Variants in COLEC11 observed in about 807,000 individuals in gnomAD.
The protein encoded by COLEC11 is collectin-11.
Under a neutral mutation model 27.3 loss-of-function variants are expected in COLEC11, and 20 were observed. That is an observed-to-expected ratio of 0.73 (90% confidence interval 0.51 to 1.06). The LOEUF is 1.06. Among genes scored for constraint, COLEC11 ranks in the 50% least tolerant of loss-of-function variants. COLEC11 has a pLI of 0.00. For missense variants in COLEC11, 310 were observed against 383.0 expected, an observed-to-expected ratio of 0.81 and a Z score of 1.59; for synonymous variants, 163 against 154.7, an observed-to-expected ratio of 1.05 and a Z score of -0.40.
At position 3,605,297 on chromosome 2, in the gene COLEC11, C is replaced by T. The variant is rs1275575262; in HGVS notation, c.130+827C>T. 4.3e-5 allele frequency among the ~76,000 whole-genome samples: 6 copies of T among 139,712 alleles called. No individual in the cohort carries two copies. The East Asian group carries it at 1.4e-3, about 32-fold the overall frequency. The allele number at this position is 139,712 out of a possible 152,430, so 91.7% of individuals were successfully genotyped here. ...GCCGCTGAGGGGAGTCACGTGGGTG[C>T]CGAGGAGGGGGCGGGGGAGTCACGT... On this transcript the variant is annotated intron_variant, in intron 2 of 6. Coordinates refer to ENST00000349077, the MANE Select transcript of COLEC11 (RefSeq NM_024027.5).
chr2:3,603,731 C>T, intron 1 of COLEC11: 2 of 1,480,940 alleles, frequency 1.4e-6, no homozygotes, highest in Non-Finnish European at 1.8e-6. Flanking sequence ...GGGCTCGGCC[C>T]CCACCTCCCC....
chr2:3,611,146 C>T (rs1346599208), intron 2 of COLEC11, among the ~76,000 whole-genome samples: 2 of 152,184 alleles, frequency 1.3e-5, no homozygotes, highest in Admixed American at 6.5e-5. Flanking sequence ...GCTGTCAGAG[C>T]GACATTGGCA....
chr2:3,603,989 C>T, intron 1 of COLEC11: 1 of 567,660 alleles, frequency 1.8e-6, no homozygotes, highest in Non-Finnish European at 3.1e-6. Context: ...TGTGGAGACC[C>T]CTACTCCACT....
At chr2:3,636,036 A>G (rs1392412160) in intron 3 of COLEC11, among the ~76,000 whole-genome samples, 2 of 152,172 alleles carry the variant, frequency 1.3e-5, no homozygotes, top group African/African-American at 4.8e-5. Flanking sequence ...TCTATTCTGA[A>G]TTGGGGGAAC....
At chr2:3,607,751 TC>T (rs1301236203) in intron 2 of COLEC11, among the ~76,000 whole-genome samples, 1 of 152,222 alleles carries the variant, frequency 6.6e-6, no homozygotes, top group Non-Finnish European at 1.5e-5. Flanking sequence ...ACCTGGCCTA[TC>T]AAATTAATTT....
chr2:3,622,891 C>G (rs1558504939), intron 3 of COLEC11, among the ~76,000 whole-genome samples: 1 of 152,198 alleles, frequency 6.6e-6, no homozygotes, highest in Non-Finnish European at 1.5e-5. Flanking sequence ...TATCAGTTAT[C>G]TCTACACTTT....
intron 5 of COLEC11, 91 bp from the exon 6 acceptor site, chr2:3,643,353 A>G: frequency 9.2e-7 from 1 of 1,085,452 alleles, no homozygotes; most frequent in Non-Finnish European, 1.4e-6. Context: ...TTTGTTGAGT[A>G]AAATGTGCAT....
rs60890259 is a variant in COLEC11 at position 3,622,889 on chromosome 2, A to G, written c.202+9507A>G. Among the ~76,000 whole-genome samples the G allele has an allele frequency of 5.2e-3, 791 of 152,364 alleles. 10 individuals carry two copies. The highest frequency in any genetic ancestry group is 0.018 in the African/African-American group (760 of 41,582). ...AGGCAAGTATATAGTTTTATCAGTTATCTCTACACTTTTAAATGTTTTCAT... is the reference window on the plus strand; with the variant it reads ...AGGCAAGTATATAGTTTTATCAGTTGTCTCTACACTTTTAAATGTTTTCAT... On this transcript the variant is annotated intron_variant, in intron 3 of 6. Transcript: ENST00000349077.
intron 5 of COLEC11, chr2:3,641,116 C>T (rs1665828756): frequency 4.5e-6 from 3 of 671,570 alleles, no homozygotes; most frequent in South Asian, 3.1e-5. Flanking sequence ...TGGACACCCA[C>T]CCACCATGTA....
At chr2:3,610,464 C>A (rs775381784) in intron 2 of COLEC11, among the ~76,000 whole-genome samples, 29 of 152,168 alleles carry the variant, frequency 1.9e-4, no homozygotes, top group Non-Finnish European at 4.1e-4. Flanking sequence ...GGAGAAAGAG[C>A]AGACTGCTGT....
At chr2:3,642,179 T>C (rs1665916983) in intron 5 of COLEC11, among the ~76,000 whole-genome samples, 1 of 152,320 alleles carries the variant, frequency 6.6e-6, no homozygotes, top group Admixed American at 6.5e-5. Context: ...TCAGAGGGAC[T>C]TCCCGCCTAG....
At chr2:3,631,097 G>A (rs896596821) in intron 3 of COLEC11, among the ~76,000 whole-genome samples, 2 of 152,086 alleles carry the variant, frequency 1.3e-5, no homozygotes, top group African/African-American at 4.8e-5. Context: ...CAGACATGGT[G>A]GTGCACGCCT....
Position 3,644,498 on chromosome 2 carries a change from T to C in COLEC11, c.*380T>C, listed in dbSNP as rs1025375757. On this transcript the variant is annotated 3_prime_UTR_variant, in exon 7 of 7. Coordinates refer to ENST00000349077, the MANE Select transcript of COLEC11 (RefSeq NM_024027.5). ...TCTTGAATTACTACCTTTTAATTTC[T>C]ATATGGAAAAGAACTCACTTTGACC... 14 of 474,732 alleles carry C rather than the reference T, an allele frequency of 2.9e-5. No homozygotes were observed. The Admixed American group carries it at 3.3e-4, about 11-fold the overall frequency. 29.4% of individuals were successfully genotyped at this position (474,732 alleles called of 1,614,324 possible). A position where few individuals can be genotyped will look rare whatever the true frequency, so the allele number is the denominator to read the frequency against.
chr2:3,602,775 G>A lies in COLEC11; in HGVS notation c.-26-1540G>A, dbSNP rs1425434953. On this transcript the variant is annotated intron_variant, in intron 1 of 6. Transcript: ENST00000349077. This position sits in a 1 kb window ranked among gnomAD's most constrained non-coding sequence, Gnocchi z 6.2. ...CAGCCCACCTCTCCCCGCACTGTCC[G>A]GCATGCACTGCCTCAAGGCTTTCTC... Among the ~76,000 whole-genome samples, 7 of 152,112 alleles carry A rather than the reference G, an allele frequency of 4.6e-5. No individual in the cohort carries two copies. Among genetic ancestry groups the A allele is most frequent in the East Asian group, 3.9e-4 (2 of 5,176 alleles).
intron 4 of COLEC11, among the ~76,000 whole-genome samples, chr2:3,638,695 C>G (rs1035943459): frequency 6.6e-6 from 1 of 152,144 alleles, no homozygotes; most frequent in Non-Finnish European, 1.5e-5. Flanking sequence ...GCGGGCCTCC[C>G]CTGGAAAACC....
chr2:3,644,029 G>T lies in COLEC11; in HGVS notation c.727G>T (p.Val243Leu). The change falls in exon 7 of 7, where the codon GTG (valine) becomes TTG (leucine). Residue 243 changes from valine to leucine, a missense_variant. Coordinates refer to ENST00000349077, the MANE Select transcript of COLEC11 (RefSeq NM_024027.5). ...PNNAYDEEDC[V>L]EMVASGGWND... ...CAATGCCTACGACGAGGAGGACTGC[G>T]TGGAGATGGTGGCCTCGGGCGGCTG... 6.2e-7 allele frequency: 1 copy of T among 1,613,922 alleles called. No individual in the cohort carries two copies. The highest frequency in any genetic ancestry group is 8.5e-7 in the Non-Finnish European group (1 of 1,180,056).
Position 3,598,932 on chromosome 2 carries a change from G to A in COLEC11, c.-27+3764G>A, listed in dbSNP as rs532165684. 9.9e-5 allele frequency among the ~76,000 whole-genome samples: 15 copies of A among 152,284 alleles called. No individual in the cohort carries two copies. The South Asian group carries it at 1.7e-3, about 17-fold the overall frequency. On this transcript the variant is annotated intron_variant, in intron 1 of 6. Transcript: ENST00000349077. Reference sequence around the variant, plus strand: ...TATGTGTCCACATTTGGTATACAACGTATATTGGCTCCTTGTTCTCTCCAT... The same window carrying A: ...TATGTGTCCACATTTGGTATACAACATATATTGGCTCCTTGTTCTCTCCAT...
intron 1 of COLEC11, among the ~76,000 whole-genome samples, chr2:3,599,232 T>C (rs1161110710): frequency 1.3e-5 from 2 of 152,210 alleles, no homozygotes; most frequent in East Asian, 1.9e-4. Flanking sequence ...TCCAACCCAG[T>C]GGACGTTCTG....
intron 4 of COLEC11, 28 bp downstream of exon 4, chr2:3,637,632 T>C: frequency 1.3e-6 from 2 of 1,582,580 alleles, no homozygotes; most frequent in South Asian, 2.2e-5. Flanking sequence ...CTTGCCTCAT[T>C]TCCCCCCTGC....
Sources: allele counts gnomAD v4.1 joint callset (sites outside exome capture counted in the v4.1 genomes callset), GRCh38; gene constraint gnomAD v4.1.1; non-coding constraint Gnocchi (gnomAD v3.1); transcripts MANE v1.5; gene names NCBI Gene and HGNC (gene_info 2026-07-23, HGNC 2026-07-21).